The following NETO1 variants were observed in gnomAD, a reference collection of about 807,000 sequenced individuals.
NETO1 encodes the protein neuropilin and tolloid like 1.
In NETO1, 26 loss-of-function variants were observed where a neutral mutation model predicts 61.3. The observed-to-expected ratio is 0.42, with a 90% CI of 0.31 to 0.59. The LOEUF is 0.59. Ranked by LOEUF, NETO1 falls within the 20% of genes least tolerant of loss-of-function variation. The pLI, the probability that NETO1 is intolerant of heterozygous loss-of-function variation, is 0.12. For missense variants in NETO1, 531 were observed against 662.8 expected (o/e 0.80, Z 2.18); for synonymous variants, 225 against 225.8 (o/e 1.00, Z 0.03).
chr18:72,800,309 G>T lies in NETO1; in HGVS notation c.470-5905C>A, dbSNP rs142132552. Among the ~76,000 whole-genome samples, 307 of 152,336 alleles carry T rather than the reference G, an allele frequency of 2.0e-3. 1 individual carries two copies. Among genetic ancestry groups the T allele is most frequent in the African/African-American group, 6.9e-3 (288 of 41,572 alleles). ...CAACTTCAAATCTCCATACGTGCTG[G>T]ATTAAAGTCAAGGCAGAATATCCTG... is the stretch of plus-strand genomic sequence containing the variant. On this transcript the variant is annotated intron_variant, in intron 4 of 10. Transcript: ENST00000327305.
At chr18:72,824,693 C>T (rs531276846) in intron 4 of NETO1, among the ~76,000 whole-genome samples, 3 of 142,488 alleles carry the variant, frequency 2.1e-5, no homozygotes, top group South Asian at 2.3e-4. Context: ...GGCGAAACCC[C>T]GTCTCTACTT....
rs1305871340 is a variant in NETO1, at chr18:72,744,458, A to T, written c.*3721T>A. ...ATTAAGTGCATAGAGATTGATAATT[A>T]ACTCAAGACCTGTTTATTTTGTTGT... On this transcript the variant is annotated 3_prime_UTR_variant, in exon 11 of 11. Coordinates refer to ENST00000327305, the MANE Select transcript of NETO1 (RefSeq NM_138966.5). 1 of 152,144 alleles carries T rather than the reference A, an allele frequency of 6.6e-6. No individual in the cohort carries two copies. The highest frequency in any genetic ancestry group is 1.5e-5 in the Non-Finnish European group (1 of 68,030). 9.4% of individuals were successfully genotyped at this position (152,144 alleles called of 1,614,324 possible).
chr18:72,778,303 G>T (rs533592714), intron 7 of NETO1, among the ~76,000 whole-genome samples: 1 of 152,260 alleles, frequency 6.6e-6, no homozygotes, highest in African/African-American at 2.4e-5. Flanking sequence ...TTTATCAGAT[G>T]CCTGCCTGGC....
At chr18:72,834,105 A>G (rs1339677283) in intron 4 of NETO1, 2 of 941,172 alleles carry the variant, frequency 2.1e-6, no homozygotes, top group East Asian at 2.3e-4. Flanking sequence ...GTCTTGGCAG[A>G]CTTTAAAATC....
intron 7 of NETO1, among the ~76,000 whole-genome samples, chr18:72,772,853 A>C (rs567111917): frequency 0.077 from 6,438 of 84,054 alleles, 514 homozygotes; most frequent in Middle Eastern, 0.15. Flanking sequence ...ATATATATAT[A>C]TATATATATA....
intron 4 of NETO1, among the ~76,000 whole-genome samples, chr18:72,857,530 A>C (rs2074443442): frequency 6.6e-6 from 1 of 152,348 alleles, no homozygotes; most frequent in South Asian, 2.1e-4. Flanking sequence ...ATGAAAATAT[A>C]ACTTATGAAA....
At chr18:72,821,407 G>A (rs867644821) in intron 4 of NETO1, among the ~76,000 whole-genome samples, 7 of 146,812 alleles carry the variant, frequency 4.8e-5, no homozygotes, top group Non-Finnish European at 3.0e-5. Context: ...AAAGAAACAA[G>A]AAAAAAAAAA....
At chr18:72,800,905 G>C (rs2072484059) in intron 4 of NETO1, among the ~76,000 whole-genome samples, 1 of 152,168 alleles carries the variant, frequency 6.6e-6, no homozygotes, top group African/African-American at 2.4e-5. Flanking sequence ...CCAATCCACA[G>C]GTTCTCACAG....
At chr18:72,798,691 C>T (rs2072401590) in intron 4 of NETO1, among the ~76,000 whole-genome samples, 1 of 152,104 alleles carries the variant, frequency 6.6e-6, no homozygotes, top group African/African-American at 2.4e-5. Flanking sequence ...CTAAGCCTAG[C>T]CAAAATGAGT....
chr18:72,866,938 T>A (rs532244732), intron 1 of NETO1: 2 of 433,498 alleles, frequency 4.6e-6, no homozygotes, highest in South Asian at 2.0e-4. Context: ...CTCTCCCGCT[T>A]TCCACCTGCG....
intron 4 of NETO1, among the ~76,000 whole-genome samples, chr18:72,847,992 C>A (rs1003952551): frequency 2.6e-5 from 4 of 152,136 alleles, no homozygotes; most frequent in Non-Finnish European, 4.4e-5. Context: ...GGCTAATGGG[C>A]CTTTCCATAT....
At chr18:72,831,925 A>C in intron 4 of NETO1, among the ~76,000 whole-genome samples, 1 of 152,108 alleles carries the variant, frequency 6.6e-6, no homozygotes, top group East Asian at 1.9e-4. Flanking sequence ...CTTCAATATA[A>C]GTGTTGGTGT....
chr18:72,820,696 C>T (rs745902634), intron 4 of NETO1, among the ~76,000 whole-genome samples: 2 of 152,178 alleles, frequency 1.3e-5, no homozygotes, highest in African/African-American at 2.4e-5. Flanking sequence ...CGAGGATGAG[C>T]GGCATCCATT....
intron 4 of NETO1, among the ~76,000 whole-genome samples, chr18:72,837,382 T>C (rs1405568233): frequency 6.6e-6 from 1 of 152,178 alleles, no homozygotes; most frequent in African/African-American, 2.4e-5. Flanking sequence ...AAGTAATCAT[T>C]GCATTGGTCA....
intron 4 of NETO1, among the ~76,000 whole-genome samples, chr18:72,857,792 T>C (rs2074450952): frequency 6.6e-6 from 1 of 152,194 alleles, no homozygotes; most frequent in South Asian, 2.1e-4. Flanking sequence ...AGTGATATTA[T>C]TAAAAACATT....
In NETO1 at chr18:72,794,287, G is replaced by C. The variant is rs772774412; in HGVS notation, c.512-43C>G. On this transcript the variant is annotated intron_variant, in intron 5 of 10. Coordinates refer to ENST00000327305, the MANE Select transcript of NETO1 (RefSeq NM_138966.5). ...AAACAAACACACAAAAACGGAGCTT[G>C]AATAATAAACCAAAAGTGTATTTCA... is the stretch of plus-strand genomic sequence containing the variant. The C allele has an allele frequency of 3.7e-6, 6 of 1,613,718 alleles. No homozygotes were observed. The African/African-American group carries it at 6.7e-5, about 18-fold the overall frequency.
At chr18:72,757,174 T>G (rs2070810838) in intron 7 of NETO1, among the ~76,000 whole-genome samples, 1 of 152,154 alleles carries the variant, frequency 6.6e-6, no homozygotes. Flanking sequence ...CATATGAATT[T>G]CCAATGATTG....
At chr18:72,859,123 G>C in intron 3 of NETO1, 49 bp from the exon 4 acceptor site, 2 of 1,506,124 alleles carry the variant, frequency 1.3e-6, no homozygotes, top group Non-Finnish European at 1.8e-6. Flanking sequence ...TACATCTTCA[G>C]GTTGATGTTT....
chr18:72,863,979 G>A (rs2145688013), intron 3 of NETO1, among the ~76,000 whole-genome samples: 1 of 152,254 alleles, frequency 6.6e-6, no homozygotes, highest in East Asian at 1.9e-4. Flanking sequence ...CAGCACTCTG[G>A]GAGGCCAAAG....
Sources: allele counts gnomAD v4.1 joint callset (sites outside exome capture counted in the v4.1 genomes callset), GRCh38; gene constraint gnomAD v4.1.1; transcripts MANE v1.5; gene names NCBI Gene and HGNC (gene_info 2026-07-23, HGNC 2026-07-21).